Variants in ABCA13 observed in about 807,000 individuals in gnomAD.
The protein encoded by ABCA13 is ATP binding cassette subfamily A member 13, also known as ATP-binding cassette sub-family A member 13.
A neutral mutation model predicts 478.7 loss-of-function variants in ABCA13; 476 were observed. The ratio of observed to expected loss-of-function variants is 0.99; its 90% CI spans 0.92 to 1.07. ABCA13 has a LOEUF of 1.07. ABCA13 is among the 50% of genes least tolerant of loss of function. ABCA13 has a pLI of 0.00. For missense variants in ABCA13, 6,060 were observed against 5,910.6 expected, an observed-to-expected ratio of 1.03 and a Z score of -0.83; for synonymous variants, 2,252 against 2,158.9, an observed-to-expected ratio of 1.04 and a Z score of -1.20.
At chr7:48,539,445 C>T (rs755975796) in intron 55 of ABCA13, among the ~76,000 whole-genome samples, 1 of 151,846 alleles carries the variant, frequency 6.6e-6, no homozygotes, top group Non-Finnish European at 1.5e-5. Flanking sequence ...TACAGAGATG[C>T]TTTAACTGTC....
intron 55 of ABCA13, among the ~76,000 whole-genome samples, chr7:48,571,014 T>C (rs1787593878): frequency 6.6e-6 from 1 of 152,178 alleles, no homozygotes; most frequent in African/African-American, 2.4e-5. Flanking sequence ...GCAACTAACA[T>C]CTTGAGTTAA....
At chr7:48,277,485 C>T (rs1796456037) in intron 17 of ABCA13, among the ~76,000 whole-genome samples, 1 of 152,188 alleles carries the variant, frequency 6.6e-6, no homozygotes, top group Middle Eastern at 3.2e-3. Flanking sequence ...TCTGCAAAAT[C>T]TCTTTATAGC....
chr7:48,472,705 G>A (rs1320374419), intron 45 of ABCA13, among the ~76,000 whole-genome samples: 3 of 151,996 alleles, frequency 2.0e-5, no homozygotes. Flanking sequence ...AGGGAAGGGT[G>A]CTCCATTTAT....
chr7:48,293,272 G>T (rs1798850353), intron 20 of ABCA13, among the ~76,000 whole-genome samples: 1 of 146,564 alleles, frequency 6.8e-6, no homozygotes, highest in Admixed American at 7.1e-5. Flanking sequence ...CCAGAGCTTA[G>T]CTCCCAACCT....
chr7:48,370,467 T>C (rs1394998883), intron 32 of ABCA13, among the ~76,000 whole-genome samples: 1 of 152,186 alleles, frequency 6.6e-6, no homozygotes, highest in Non-Finnish European at 1.5e-5. Context: ...CCTTATCTTG[T>C]TCCAGTTCTC....
chr7:48,361,096 G>GAAA (rs74486985), intron 31 of ABCA13, among the ~76,000 whole-genome samples: 12 of 131,532 alleles, frequency 9.1e-5, no homozygotes, highest in African/African-American at 3.4e-4. Flanking sequence ...ACCCTGTTTG[G>GAAA]AAAAAAAAAA....
chr7:48,580,453 C>G, intron 56 of ABCA13, 79 bp downstream of exon 56: 1 of 1,426,588 alleles, frequency 7.0e-7, no homozygotes, highest in Non-Finnish European at 9.6e-7. Flanking sequence ...CAAGGCAGCT[C>G]TCTCACCCTA....
rs369296047 is a variant in ABCA13, at chr7:48,520,218, G to A, written c.13975G>A (p.Val4659Met). The A allele has an allele frequency of 2.7e-5, 44 of 1,613,478 alleles. No individual in the cohort carries two copies. Among genetic ancestry groups the A allele is most frequent in the South Asian group, 7.7e-5 (7 of 91,080 alleles). ...GATGAACTTTCTGGGCTGGATCTTC[G>A]TGCAACTGGCCTCGCAGGGCACAGT... ...FEMNFLGWIF[V>M]QLASQGTVLL... The change falls in exon 53 of 62, where the codon GTG (valine) becomes ATG (methionine). Residue 4659 changes from valine to methionine, a missense_variant. By Grantham distance (21) the Val-to-Met change is conservative. This residue lies in a region of ABCA13 where 1,627 missense variants were observed against 1,571.0 expected (regional missense o/e 1.04). Transcript: ENST00000435803.
rs543499841 is a variant in ABCA13 at position 48,457,020 on chromosome 7, A to G, written c.12815+1734A>G. Among the ~76,000 whole-genome samples, 6 of 152,018 alleles carry G rather than the reference A, an allele frequency of 3.9e-5. No homozygotes were observed. The South Asian group carries it at 1.2e-3, about 32-fold the overall frequency. ...AGTCATTGATTCTTTTCTTCAACAA[A>G]TATTTATGGTGTACTTACTATATGC... On this transcript the variant is annotated intron_variant, in intron 43 of 61. Coordinates refer to ENST00000435803, the MANE Select transcript of ABCA13 (RefSeq NM_152701.5).
chr7:48,214,452 G>A (rs551256051), intron 3 of ABCA13, among the ~76,000 whole-genome samples: 1 of 152,282 alleles, frequency 6.6e-6, no homozygotes, highest in African/African-American at 2.4e-5. Flanking sequence ...GACTTTGAAG[G>A]TAGGCATTGA....
chr7:48,216,220 GA>G (rs1410734706), intron 3 of ABCA13, among the ~76,000 whole-genome samples: 1 of 152,164 alleles, frequency 6.6e-6, no homozygotes, highest in Non-Finnish European at 1.5e-5. Flanking sequence ...ATCAGTGGTA[GA>G]AAGCTTCAAT....
intron 55 of ABCA13, among the ~76,000 whole-genome samples, chr7:48,564,615 C>T (rs1786836103): frequency 6.6e-6 from 1 of 151,756 alleles, no homozygotes; most frequent in Admixed American, 6.6e-5. Context: ...CTAACATTCT[C>T]AATCTATCAA....
At chr7:48,460,309 G>T (rs1436025215) in intron 43 of ABCA13, among the ~76,000 whole-genome samples, 5 of 152,138 alleles carry the variant, frequency 3.3e-5, no homozygotes, top group African/African-American at 1.2e-4. Context: ...CTGTTCTGGA[G>T]GCCAGAAGTC....
At chr7:48,446,960 CA>C (rs150109223) in intron 42 of ABCA13, among the ~76,000 whole-genome samples, 3,429 of 152,252 alleles carry the variant, frequency 0.023, 134 homozygotes, top group African/African-American at 0.078. Flanking sequence ...ATGCTGGTGG[CA>C]GGTGCCAGAA....
chr7:48,529,488 T>A (rs1262441785), intron 55 of ABCA13, among the ~76,000 whole-genome samples: 1 of 152,182 alleles, frequency 6.6e-6, no homozygotes, highest in Non-Finnish European at 1.5e-5. Flanking sequence ...TTTATGAATT[T>A]AAACCCAGCA....
chr7:48,449,665 T>C (rs1405178535), intron 42 of ABCA13, among the ~76,000 whole-genome samples: 2 of 152,218 alleles, frequency 1.3e-5, no homozygotes, highest in Admixed American at 6.5e-5. Flanking sequence ...CCTGTAGCAC[T>C]GTTAAGGTTT....
chr7:48,304,112 T>A (rs1290123707), intron 23 of ABCA13, among the ~76,000 whole-genome samples: 2 of 152,236 alleles, frequency 1.3e-5, no homozygotes, highest in Admixed American at 1.3e-4. Flanking sequence ...TAATCCATGA[T>A]TAGAATTCTT....
At chr7:48,299,429 C>G (rs565489273) in intron 23 of ABCA13, among the ~76,000 whole-genome samples, 45 of 152,214 alleles carry the variant, frequency 3.0e-4, no homozygotes, top group African/African-American at 1.1e-3. Context: ...TAATAAGGCA[C>G]TTAGTATTTA....
chr7:48,304,691 G>A (rs1800648646), intron 23 of ABCA13, among the ~76,000 whole-genome samples: 1 of 152,164 alleles, frequency 6.6e-6, no homozygotes, highest in African/African-American at 2.4e-5. Flanking sequence ...CCTGGGTGAT[G>A]TGATGGTTCA....
Sources: gnomAD v4.1 joint callset for allele counts (sites outside exome capture counted in the v4.1 genomes callset) on GRCh38, gnomAD v4.1.1 for gene constraint, gnomAD v4.1.1 regional missense constraint, MANE v1.5 for transcripts, NCBI Gene and HGNC (gene_info 2026-07-23, HGNC 2026-07-21) for gene names.